The following C1orf116 variants were observed in gnomAD, a reference collection of about 807,000 sequenced individuals.
The protein encoded by C1orf116 is chromosome 1 open reading frame 116, also known as specifically androgen-regulated gene protein.
In C1orf116, 12 loss-of-function variants were observed where a neutral mutation model predicts 14.1. The observed-to-expected ratio is 0.85, with a 90% confidence interval of 0.54 to 1.38. The LOEUF (loss-of-function observed/expected upper bound fraction) is 1.38. C1orf116 is among the 40% of genes most tolerant of loss of function. The pLI, the probability that C1orf116 is intolerant of heterozygous loss-of-function variation, is 0.00. For synonymous variants in C1orf116, 296 were observed against 299.0 expected (o/e 0.99, Z 0.10); for missense variants, 797 against 747.0 (o/e 1.07, Z -0.78).
In C1orf116 at chr1:207,022,397, G is replaced by A. The variant is rs777316156; in HGVS notation, c.1367C>T (p.Thr456Ile). The A allele has an allele frequency of 1.2e-6, 2 of 1,614,210 alleles. No homozygotes were observed. The highest frequency in any genetic ancestry group is 2.2e-5 in the East Asian group (1 of 44,880). ...PKAPRANSAL[T>I]PPKPESGLTL... ...CAGCCCTGACTCTGGCTTCGGTGGAGTCAGGGCACTGTTTGCCCTTGGGGC... is the reference window on the plus strand; with the variant it reads ...CAGCCCTGACTCTGGCTTCGGTGGAATCAGGGCACTGTTTGCCCTTGGGGC... The change falls in exon 4 of 4, where the codon ACT becomes ATT. Residue 456 changes from threonine to isoleucine, a missense_variant. Transcript: ENST00000359470.
rs1232254608 is a variant in C1orf116, at chr1:207,018,694, G to C, written c.*3264C>G. On this transcript the variant is annotated 3_prime_UTR_variant, in exon 4 of 4. Coordinates refer to ENST00000359470, the MANE Select transcript of C1orf116 (RefSeq NM_023938.6). ...GTGATATCGCCAGGGTTCCTGACTG[G>C]TAAGTGATGGAGGCTGAATTTGAGC... 1 of 152,188 alleles carries C rather than the reference G, an allele frequency of 6.6e-6. No individual in the cohort carries two copies. Among genetic ancestry groups the C allele is most frequent in the Non-Finnish European group, 1.5e-5 (1 of 68,040 alleles). 9.4% of individuals were successfully genotyped at this position (152,188 alleles called of 1,614,324 possible). A position where few individuals can be genotyped will look rare whatever the true frequency, so the allele number is the denominator to read the frequency against.
In C1orf116 at chr1:207,022,473, C is replaced by T. The variant is rs1198765136; in HGVS notation, c.1291G>A (p.Ala431Thr). ...TTGCTAGCTGCAACATTGCCTGGAGCTGGAGACTTCATTGGCAAAGGTCCC... is the reference window on the plus strand; with the variant it reads ...TTGCTAGCTGCAACATTGCCTGGAGTTGGAGACTTCATTGGCAAAGGTCCC... ...AQGPLPMKSP[A>T]PGNVAASKSM... The change falls in exon 4 of 4, where the codon GCT becomes ACT. Residue 431 changes from alanine (A) to threonine (T), a missense_variant. Coordinates refer to ENST00000359470, the MANE Select transcript of C1orf116 (RefSeq NM_023938.6). 6.2e-7 allele frequency: 1 copy of T among 1,614,188 alleles called. No homozygotes were observed.
chr1:207,026,931 C>G (rs1407941419), intron 2 of C1orf116, among the ~76,000 whole-genome samples: 1 of 152,204 alleles, frequency 6.6e-6, no homozygotes, highest in African/African-American at 2.4e-5. Context: ...GGTGCTTTAC[C>G]TGTATCACAT....
rs1403217995 is a variant in C1orf116 at position 207,022,069 on chromosome 1, G to T, written c.1695C>A (p.Ser565Arg). The T allele has an allele frequency of 3.1e-6, 5 of 1,609,882 alleles. No individual in the cohort carries two copies. In the Admixed American group the frequency reaches 8.4e-5, roughly 27 times the overall value. ...SSKRLSYQGQ[S>R]RDKLPRPPCV... ...AGGGGGGGCGAGGAAGCTTGTCACGGCTCTGTCCTTGGTAGGACAGGCGCT... is the reference window on the plus strand; with the variant it reads ...AGGGGGGGCGAGGAAGCTTGTCACGTCTCTGTCCTTGGTAGGACAGGCGCT... The change falls in exon 4 of 4, where the codon AGC becomes AGA. Residue 565 changes from serine to arginine, a missense_variant. Physicochemically the swap from Ser to Arg is moderately radical, Grantham distance 110. Transcript: ENST00000359470.
chr1:207,024,046 C>T (rs1044510141), intron 3 of C1orf116, among the ~76,000 whole-genome samples: 7 of 152,194 alleles, frequency 4.6e-5, no homozygotes, highest in Non-Finnish European at 8.8e-5. Flanking sequence ...TTCAACCAGG[C>T]TTCTGCCTTC....
intron 1 of C1orf116, among the ~76,000 whole-genome samples, chr1:207,028,877 A>C (rs1380008177): frequency 6.6e-6 from 1 of 152,226 alleles, no homozygotes; most frequent in Non-Finnish European, 1.5e-5. Context: ...AATTAGAATA[A>C]AGTTTGTCTG....
chr1:207,027,781 G>C (rs1444182112), intron 1 of C1orf116, 102 bp from the exon 2 acceptor site: 1 of 1,311,898 alleles, frequency 7.6e-7, no homozygotes, highest in South Asian at 1.5e-5. Flanking sequence ...CAAGCAGAGA[G>C]CTGGAAGGGG....
chr1:207,025,428 G>A (rs766220151), intron 2 of C1orf116, among the ~76,000 whole-genome samples: 2 of 152,216 alleles, frequency 1.3e-5, no homozygotes, highest in African/African-American at 2.4e-5. Context: ...AAGTTTCAAT[G>A]TTTGACAGCC....
rs1004610320 is a variant in C1orf116, at chr1:207,022,576, T to A, written c.1188A>T (p.Pro396=). The A allele has an allele frequency of 6.2e-7, 1 of 1,613,982 alleles. No homozygotes were observed. Among genetic ancestry groups the A allele is most frequent in the African/African-American group, 1.3e-5 (1 of 74,938 alleles). ...CAGGAATAGCTGCTGAGGCCTGGGC[T>A]GGAGCTGCAGGCTGAGCCAGACCTG... ...PAPGLAQPAA[P]AQASAAIPAA... Residue 396 remains proline, a synonymous_variant, in exon 4 of 4, where the codon CCA becomes CCT. Transcript: ENST00000359470.
chr1:207,024,370 A>T (rs1681987547), intron 3 of C1orf116, among the ~76,000 whole-genome samples: 1 of 152,250 alleles, frequency 6.6e-6, no homozygotes, highest in African/African-American at 2.4e-5. Context: ...TCATGGCCAC[A>T]CTTGTGTGTT....
rs760442735 is a variant in C1orf116, at chr1:207,022,099, G to A, written c.1665C>T (p.Ser555=). The A allele has an allele frequency of 5.6e-6, 9 of 1,612,766 alleles. No homozygotes were observed. Among genetic ancestry groups the A allele is most frequent in the Admixed American group, 3.3e-5 (2 of 59,926 alleles). Residue 555 remains serine, a synonymous_variant, in exon 4 of 4, where the codon AGC becomes AGT. Coordinates refer to ENST00000359470, the MANE Select transcript of C1orf116 (RefSeq NM_023938.6). ...GKLADLEQEQ[S]SKRLSYQGQS... ...GTCCTTGGTAGGACAGGCGCTTGGA[G>A]CTCTGCTCCTGCTCCAGGTCAGCCA...
chr1:207,031,784 C>A (rs1332451545), intron 1 of C1orf116, among the ~76,000 whole-genome samples: 1 of 152,192 alleles, frequency 6.6e-6, no homozygotes, highest in Non-Finnish European at 1.5e-5. Context: ...TTGGCTTGAG[C>A]CCCACTTGGA....
At chr1:207,024,082 G>A (rs1428454169) in intron 3 of C1orf116, among the ~76,000 whole-genome samples, 2 of 152,172 alleles carry the variant, frequency 1.3e-5, no homozygotes, top group African/African-American at 4.8e-5. Context: ...TGAGCATGTG[G>A]ATAATTCTGT....
At chr1:207,027,783 T>A in intron 1 of C1orf116, 104 bp from the exon 2 acceptor site, 1 of 1,306,202 alleles carries the variant, frequency 7.7e-7, no homozygotes, top group Non-Finnish European at 1.0e-6. Context: ...AGCAGAGAGC[T>A]GGAAGGGGGG....
At chr1:207,031,447 CA>C (rs1421056994) in intron 1 of C1orf116, among the ~76,000 whole-genome samples, 1 of 152,090 alleles carries the variant, frequency 6.6e-6, no homozygotes, top group Non-Finnish European at 1.5e-5. Context: ...GAGGTGAGCT[CA>C]AGCCTAAATC....
chr1:207,027,399 G>C lies in C1orf116; in HGVS notation c.105+95C>G, dbSNP rs1158079552. On this transcript the variant is annotated intron_variant, in intron 2 of 3. Coordinates refer to ENST00000359470, the MANE Select transcript of C1orf116 (RefSeq NM_023938.6). ...CCAACAATGAAAGAGAAGGTGCAGT[G>C]AGCCAGGATGGGTGGCAGGAAAGGA... is the stretch of plus-strand genomic sequence containing the variant. 3.4e-6 allele frequency: 5 copies of C among 1,477,476 alleles called. No homozygotes were observed. The East Asian group carries it at 1.1e-4, about 34-fold the overall frequency. The allele number at this position is 1,477,476 out of a possible 1,614,324, so 91.5% of individuals were successfully genotyped here. A position where few individuals can be genotyped will look rare whatever the true frequency, so the allele number is the denominator to read the frequency against.
In C1orf116 at chr1:207,023,482, T is replaced by C; in HGVS notation, c.284-2A>G. ...GAGTGATGGTCTCCTCTGGACCTCC[T>C]GTGAGGGTCAGAAAGAACATAAAAG... is the stretch of plus-strand genomic sequence containing the variant. On this transcript the variant is annotated splice_acceptor_variant, in intron 3 of 3. Transcript: ENST00000359470. LOFTEE classifies it high-confidence loss of function. 1.3e-6 allele frequency: 2 copies of C among 1,598,366 alleles called. No individual in the cohort carries two copies. Among genetic ancestry groups the C allele is most frequent in the Non-Finnish European group, 1.7e-6 (2 of 1,173,238 alleles).
In C1orf116 at chr1:207,022,423, C is replaced by A. The variant is rs368649530; in HGVS notation, c.1341G>T (p.Lys447Asn). Residue 447 changes from lysine to asparagine, a missense_variant, in exon 4 of 4, where the codon AAG (lysine) becomes AAT (asparagine). Lys to Asn is a moderately conservative substitution (Grantham distance 94). Coordinates refer to ENST00000359470, the MANE Select transcript of C1orf116 (RefSeq NM_023938.6). The part of the protein sequence containing the change: ...ASKSMPISIP[K>N]APRANSALTP... ...TCAGGGCACTGTTTGCCCTTGGGGC[C>A]TTAGGGATAGAAATTGGCATAGATT... 8 of 1,614,158 alleles carry A rather than the reference C, an allele frequency of 5.0e-6. No individual in the cohort carries two copies. The highest frequency in any genetic ancestry group is 4.0e-5 in the African/African-American group (3 of 75,038).
chr1:207,024,794 G>C, intron 3 of C1orf116, 93 bp downstream of exon 3: 1 of 1,433,298 alleles, frequency 7.0e-7, no homozygotes, highest in Non-Finnish European at 9.6e-7. Context: ...TGTGACCCTT[G>C]GGGTAGAGGG....
Sources: gnomAD v4.1 joint callset for allele counts (sites outside exome capture counted in the v4.1 genomes callset) on GRCh38, gnomAD v4.1.1 for gene constraint, MANE v1.5 for transcripts, NCBI Gene and HGNC (gene_info 2026-07-23, HGNC 2026-07-21) for gene names.